ADI1: variants seen among roughly 807,000 people sequenced by gnomAD.
The protein encoded by ADI1 is acireductone dioxygenase 1.
In ADI1, 21 loss-of-function variants were observed where a neutral mutation model predicts 18.7. The observed-to-expected ratio is 1.13, with a 90% CI of 0.80 to 1.62. The LOEUF is 1.62. Ranked by LOEUF, ADI1 falls within the 40% of genes most tolerant of loss-of-function variation. ADI1 has a pLI of 0.00. For synonymous variants in ADI1, 90 were observed against 100.1 expected, an observed-to-expected ratio of 0.90 and a Z score of 0.60; for missense variants, 245 against 254.9, an observed-to-expected ratio of 0.96 and a Z score of 0.26.
At chr2:3,500,154 G>C (rs960408813) in intron 3 of ADI1, among the ~76,000 whole-genome samples, 1 of 151,932 alleles carries the variant, frequency 6.6e-6, no homozygotes, top group African/African-American at 2.4e-5. Context: ...GTGGAATACT[G>C]GTTACTTTCA....
At chr2:3,518,979 G>C (rs76800096) in intron 1 of ADI1, among the ~76,000 whole-genome samples, 1 of 149,496 alleles carries the variant, frequency 6.7e-6, no homozygotes, top group Non-Finnish European at 1.5e-5. Flanking sequence ...GAAACGGACC[G>C]CCGACCCCCA....
Position 3,507,164 on chromosome 2 carries a change from G to A in ADI1, c.241-6171C>T, listed in dbSNP as rs116803550. Among the ~76,000 whole-genome samples the A allele has an allele frequency of 4.8e-3, 736 of 152,246 alleles. 6 individuals carry two copies. Among genetic ancestry groups the A allele is most frequent in the African/African-American group, 0.017 (701 of 41,532 alleles). On this transcript the variant is annotated intron_variant, in intron 2 of 3. Coordinates refer to ENST00000327435, the MANE Select transcript of ADI1 (RefSeq NM_018269.4). ...ACATGTCCATGGGGAGCAGGGATTG[G>A]GGGAGAACAAAATAGCCCTGAACTG... is the stretch of plus-strand genomic sequence containing the variant.
At chr2:3,505,939 T>A (rs956135304) in intron 2 of ADI1, among the ~76,000 whole-genome samples, 1 of 152,192 alleles carries the variant, frequency 6.6e-6, no homozygotes, top group Non-Finnish European at 1.5e-5. Context: ...GAAGCAGCTC[T>A]CACAAGACAC....
rs762597010 is a variant in ADI1 at position 3,500,815 on chromosome 2, T to C, written c.419A>G (p.Lys140Arg). 6.2e-7 allele frequency: 1 copy of C among 1,614,000 alleles called. No individual in the cohort carries two copies. Among genetic ancestry groups the C allele is most frequent in the South Asian group, 1.1e-5 (1 of 91,062 alleles). The change falls in exon 3 of 4, where the codon AAG (lysine) becomes AGG (arginine). Residue 140 changes from lysine (K) to arginine (R), a missense_variant and splice_region_variant. By Grantham distance (26) the Lys-to-Arg change is conservative. Transcript: ENST00000327435. ...GGGGAGAAAGCACAGCACTCCCACCTTCTCGTCCACCGTGAAGCGGTGATA... is the reference window on the plus strand; with the variant it reads ...GGGGAGAAAGCACAGCACTCCCACCCTCTCGTCCACCGTGAAGCGGTGATA... ...GIYHRFTVDE[K>R]NYTKAMRLFV...
chr2:3,513,729 G>T, intron 2 of ADI1, 128 bp downstream of exon 2: 1 of 998,752 alleles, frequency 1.0e-6, no homozygotes, highest in Non-Finnish European at 1.4e-6. Context: ...CACAGTTTCA[G>T]GTATTTATTT....
chr2:3,518,839 T>C (rs890315052), intron 1 of ADI1, among the ~76,000 whole-genome samples: 2 of 152,298 alleles, frequency 1.3e-5, no homozygotes, highest in Non-Finnish European at 2.9e-5. Flanking sequence ...CGGCGAATCT[T>C]GCAGCCCTGC....
chr2:3,497,958 C>T lies in ADI1; in HGVS notation c.*1005G>A, dbSNP rs1472256262. 2 of 152,004 alleles carry T rather than the reference C, an allele frequency of 1.3e-5. No individual in the cohort carries two copies. The highest frequency in any genetic ancestry group is 1.5e-5 in the Non-Finnish European group (1 of 68,000). The allele number at this position is 152,004 out of a possible 1,614,324, so 9.4% of individuals were successfully genotyped here. A position where few individuals can be genotyped will look rare whatever the true frequency, so the allele number is the denominator to read the frequency against. Reference sequence around the variant, plus strand: ...CTTATTTTAATTACTGAGATAGAGTCACACTTGACAGAAGCAAGCCCTGCG... The same window carrying T: ...CTTATTTTAATTACTGAGATAGAGTTACACTTGACAGAAGCAAGCCCTGCG... On this transcript the variant is annotated 3_prime_UTR_variant, in exon 4 of 4. Transcript: ENST00000327435.
Position 3,519,452 on chromosome 2 carries a change from G to A in ADI1, c.36C>T (p.Gly12=). ...VQAWYMDDAP[G]DPRQPHRPDP... Reference sequence around the variant, plus strand: ...CGGGGCGGTGGGGTTGCCGCGGGTCGCCCGGGGCGTCGTCCATATACCAGG... The same window carrying A: ...CGGGGCGGTGGGGTTGCCGCGGGTCACCCGGGGCGTCGTCCATATACCAGG... Residue 12 remains glycine (G), a synonymous_variant, in exon 1 of 4, where the codon GGC becomes GGT. Coordinates refer to ENST00000327435, the MANE Select transcript of ADI1 (RefSeq NM_018269.4). 7.4e-7 allele frequency: 1 copy of A among 1,354,950 alleles called. No homozygotes were observed. Among genetic ancestry groups the A allele is most frequent in the South Asian group, 1.8e-5 (1 of 55,090 alleles). 83.9% of individuals were successfully genotyped at this position (1,354,950 alleles called of 1,614,324 possible). A position where few individuals can be genotyped will look rare whatever the true frequency, so the allele number is the denominator to read the frequency against.
chr2:3,503,212 CAT>C (rs754464003), intron 2 of ADI1, among the ~76,000 whole-genome samples: 4 of 126,306 alleles, frequency 3.2e-5, no homozygotes, highest in Non-Finnish European at 6.3e-5. Flanking sequence ...CATTCACACA[CAT>C]GCACACACGT....
chr2:3,513,592 C>T (rs1450152382), intron 2 of ADI1, among the ~76,000 whole-genome samples: 3 of 152,212 alleles, frequency 2.0e-5, no homozygotes, highest in Non-Finnish European at 4.4e-5. Context: ...AGCCTGCTCC[C>T]TCTTTGCCTT....
At chr2:3,500,689 T>C (rs2103200702) in intron 3 of ADI1, 125 bp downstream of exon 3, 1 of 1,257,968 alleles carries the variant, frequency 7.9e-7, no homozygotes, top group Non-Finnish European at 1.1e-6. Context: ...GAAGCACAGG[T>C]CGAGGAGTCC....
At chr2:3,514,021 G>A (rs1224272640) in intron 1 of ADI1, 45 bp from the exon 2 acceptor site, 2 of 1,554,998 alleles carry the variant, frequency 1.3e-6, no homozygotes, top group African/African-American at 1.4e-5. Context: ...GATTAACAAG[G>A]AGATGTAGAA....
intron 1 of ADI1, among the ~76,000 whole-genome samples, chr2:3,518,489 T>C (rs1261156423): frequency 6.6e-6 from 1 of 152,226 alleles, no homozygotes; most frequent in African/African-American, 2.4e-5. Context: ...GGACTGGTGC[T>C]GTGCAAGCAA....
At chr2:3,504,140 C>G (rs1667118679) in intron 2 of ADI1, among the ~76,000 whole-genome samples, 1 of 152,182 alleles carries the variant, frequency 6.6e-6, no homozygotes, top group African/African-American at 2.4e-5. Context: ...TTGACGGACG[C>G]CGATTTCACC....
intron 2 of ADI1, among the ~76,000 whole-genome samples, chr2:3,506,826 C>T (rs1667185963): frequency 1.3e-5 from 2 of 152,174 alleles, no homozygotes; most frequent in Non-Finnish European, 2.9e-5. Flanking sequence ...GACTGAGACA[C>T]TGGTGAAATA....
chr2:3,515,766 G>A (rs186582215), intron 1 of ADI1: 12 of 344,240 alleles, frequency 3.5e-5, no homozygotes, highest in East Asian at 1.7e-4. Context: ...CGGTCCTACC[G>A]ATATGTGATG....
At chr2:3,505,573 C>T (rs533087949) in intron 2 of ADI1, among the ~76,000 whole-genome samples, 15 of 152,314 alleles carry the variant, frequency 9.8e-5, no homozygotes, top group South Asian at 2.1e-4. Context: ...CAGGATACAT[C>T]TGAAATCTCT....
At chr2:3,508,334 C>CCAAAAA (rs1238564378) in intron 2 of ADI1, among the ~76,000 whole-genome samples, 1 of 26,922 alleles carries the variant, frequency 3.7e-5, no homozygotes, top group African/African-American at 8.2e-5. Context: ...GACTCTGTCT[C>CCAAAAA]AAAAAAAAAA....
rs375578103 is a variant in ADI1, at chr2:3,498,970, G to A, written c.533C>T (p.Thr178Ile). 43 of 1,611,726 alleles carry A rather than the reference G, an allele frequency of 2.7e-5. No homozygotes were observed. The Admixed American group carries it at 3.8e-4, about 14-fold the overall frequency. ...AGTTCCCAGGCAGCACTGCTAGGCG[G>A]TCTGTGCCAGAAATTTCACGTACTG... ...RGQYVKFLAQ[T>I]A is the part of the protein sequence containing the mutation. The change falls in exon 4 of 4, where the codon ACC (threonine) becomes ATC (isoleucine). Residue 178 changes from threonine to isoleucine, a missense_variant. Transcript: ENST00000327435.
Sources: gnomAD v4.1 joint callset for allele counts (sites outside exome capture counted in the v4.1 genomes callset) on GRCh38, gnomAD v4.1.1 for gene constraint, MANE v1.5 for transcripts, NCBI Gene and HGNC (gene_info 2026-07-23, HGNC 2026-07-21) for gene names.